Variants in SPOCK1 observed in about 807,000 individuals in gnomAD.
SPOCK1 encodes the protein SPARC (osteonectin), cwcv and kazal like domains proteoglycan 1, also known as testican-1.
SPOCK1 carries 23 observed loss-of-function variants against 55.3 expected under a neutral mutation model. The observed-to-expected ratio is 0.42, with a 90% confidence interval of 0.30 to 0.59. SPOCK1 has a LOEUF of 0.59. SPOCK1 is among the 20% of genes least tolerant of loss of function. SPOCK1 has a pLI of 0.22. For missense variants in SPOCK1, 499 were observed against 552.5 expected (o/e 0.90, Z 0.97); for synonymous variants, 226 against 221.0 (o/e 1.02, Z -0.20).
intron 5 of SPOCK1, among the ~76,000 whole-genome samples, chr5:137,090,333 C>G (rs1753030933): frequency 6.6e-6 from 1 of 152,160 alleles, no homozygotes; most frequent in Non-Finnish European, 1.5e-5. Flanking sequence ...TCTGTGAATA[C>G]CAGAACACCT....
chr5:137,205,847 G>C (rs889605742), intron 3 of SPOCK1, among the ~76,000 whole-genome samples: 8 of 152,222 alleles, frequency 5.3e-5, no homozygotes, highest in African/African-American at 1.9e-4. Flanking sequence ...ACTCGGCACA[G>C]TTCCAAGCAC....
intron 3 of SPOCK1, among the ~76,000 whole-genome samples, chr5:137,158,414 A>G (rs999000056): frequency 6.6e-6 from 1 of 152,028 alleles, no homozygotes; most frequent in African/African-American, 2.4e-5. Context: ...CGTCCAAAGA[A>G]CTCCTTGGCA....
At chr5:137,405,428 G>A (rs1752076890) in intron 2 of SPOCK1, among the ~76,000 whole-genome samples, 1 of 152,178 alleles carries the variant, frequency 6.6e-6, no homozygotes, top group South Asian at 2.1e-4. Flanking sequence ...AGGTAAAGCT[G>A]GCTGCCCGTT....
chr5:137,118,586 C>T (rs762200658), intron 4 of SPOCK1, among the ~76,000 whole-genome samples: 16 of 152,112 alleles, frequency 1.1e-4, no homozygotes, highest in Non-Finnish European at 1.8e-4. Context: ...TAGCCAGGGC[C>T]GACAGCAAGC....
intron 3 of SPOCK1, among the ~76,000 whole-genome samples, chr5:137,154,013 C>T (rs1003449432): frequency 6.6e-6 from 1 of 152,024 alleles, no homozygotes; most frequent in African/African-American, 2.4e-5. Context: ...TAAGGCCGGG[C>T]ATGGTGGCTC....
At chr5:137,309,303 G>A (rs1757750931) in intron 2 of SPOCK1, among the ~76,000 whole-genome samples, 1 of 152,132 alleles carries the variant, frequency 6.6e-6, no homozygotes. Flanking sequence ...TATGGATAAG[G>A]AGAAGGGCAA....
At chr5:137,387,123 C>G (rs1271812098) in intron 2 of SPOCK1, among the ~76,000 whole-genome samples, 4 of 152,156 alleles carry the variant, frequency 2.6e-5, no homozygotes, top group African/African-American at 9.7e-5. Context: ...CCATACACAC[C>G]TATTAGAATG....
chr5:137,380,367 G>A (rs1284105287), intron 2 of SPOCK1, among the ~76,000 whole-genome samples: 1 of 152,190 alleles, frequency 6.6e-6, no homozygotes, highest in Non-Finnish European at 1.5e-5. Context: ...GAGACAGAAG[G>A]TAATAAAATG....
intron 5 of SPOCK1, among the ~76,000 whole-genome samples, chr5:137,089,777 G>A (rs1293370148): frequency 6.6e-6 from 1 of 152,184 alleles, no homozygotes; most frequent in African/African-American, 2.4e-5. Context: ...AATTGGAAAT[G>A]TATTCTCAAT....
intron 3 of SPOCK1, among the ~76,000 whole-genome samples, chr5:137,170,471 G>A (rs1193755565): frequency 6.6e-6 from 1 of 152,130 alleles, no homozygotes; most frequent in African/African-American, 2.4e-5. Flanking sequence ...CTAATGTGAT[G>A]ATATTTGGAG....
At chr5:137,228,704 T>C (rs527470063) in intron 3 of SPOCK1, among the ~76,000 whole-genome samples, 86 of 152,280 alleles carry the variant, frequency 5.6e-4, no homozygotes, top group African/African-American at 2.1e-3. Flanking sequence ...ATTGCTTGAA[T>C]GTTACTCAGG....
At chr5:137,008,331 A>ACACACACACAC (rs760277889) in intron 6 of SPOCK1, among the ~76,000 whole-genome samples, 4 of 74,590 alleles carry the variant, frequency 5.4e-5, no homozygotes, top group Non-Finnish European at 1.5e-4. Flanking sequence ...CACACACACA[A>ACACACACACAC]TCAACACAGT....
intron 6 of SPOCK1, among the ~76,000 whole-genome samples, chr5:137,003,846 A>G (rs1751192222): frequency 6.6e-6 from 1 of 152,202 alleles, no homozygotes; most frequent in Admixed American, 6.6e-5. Flanking sequence ...TCAGATCCTG[A>G]AGGTGATAGG....
At chr5:137,498,334 G>A in intron 2 of SPOCK1, 39 bp downstream of exon 2, 1 of 1,532,958 alleles carries the variant, frequency 6.5e-7, no homozygotes. Context: ...CCTCCGAGAG[G>A]CTCCGCGCCC....
intron 5 of SPOCK1, among the ~76,000 whole-genome samples, chr5:137,094,834 A>G (rs1580747554): frequency 6.6e-6 from 1 of 152,362 alleles, no homozygotes; most frequent in Middle Eastern, 3.4e-3. Context: ...ATTTGCACTT[A>G]CAACTTGGCT....
intron 2 of SPOCK1, among the ~76,000 whole-genome samples, chr5:137,343,041 C>T (rs1459826727): frequency 6.6e-6 from 1 of 152,234 alleles, no homozygotes; most frequent in Non-Finnish European, 1.5e-5. Context: ...CCAAAGCAGG[C>T]TTTCAGGCAT....
rs1414927742 is a variant in SPOCK1 at position 137,176,278 on chromosome 5, C to T, written c.233-35584G>A. Among the ~76,000 whole-genome samples, 5 of 152,278 alleles carry T rather than the reference C, an allele frequency of 3.3e-5. No homozygotes were observed. The East Asian group carries it at 7.7e-4, about 24-fold the overall frequency. On this transcript the variant is annotated intron_variant, in intron 3 of 10. Transcript: ENST00000394945. ...ATCCTCAACCCCCTTCAGCATTTGC[C>T]ATCAAGGTCATCTTGAACAGGCTCA...
chr5:137,224,906 C>G (rs2127089881), intron 3 of SPOCK1, among the ~76,000 whole-genome samples: 1 of 152,120 alleles, frequency 6.6e-6, no homozygotes, highest in Admixed American at 6.5e-5. Context: ...CAGGCCCGGC[C>G]CAATTTAATA....
chr5:137,326,937 C>G (rs576151429), intron 2 of SPOCK1, among the ~76,000 whole-genome samples: 1 of 152,232 alleles, frequency 6.6e-6, no homozygotes, highest in East Asian at 1.9e-4. Flanking sequence ...TGTACTAAAC[C>G]TCATTATTTC....
Sources: allele counts gnomAD v4.1 joint callset (sites outside exome capture counted in the v4.1 genomes callset), GRCh38; gene constraint gnomAD v4.1.1; transcripts MANE v1.5; gene names NCBI Gene and HGNC (gene_info 2026-07-23, HGNC 2026-07-21).